The following TRIM38 variants were observed in gnomAD, a reference collection of about 807,000 sequenced individuals.
TRIM38 encodes the protein E3 ubiquitin-protein ligase TRIM38.
TRIM38 carries 35 observed loss-of-function variants against 35.8 expected under a neutral mutation model. The ratio of observed to expected loss-of-function variants is 0.98; its 90% CI spans 0.75 to 1.30. The LOEUF (loss-of-function observed/expected upper bound fraction) is 1.30. Ranked by LOEUF, TRIM38 falls within the 50% of genes most tolerant of loss-of-function variation. The pLI is 0.00. For synonymous variants in TRIM38, 198 were observed against 204.7 expected, an observed-to-expected ratio of 0.97 and a Z score of 0.28; for missense variants, 545 against 556.9, an observed-to-expected ratio of 0.98 and a Z score of 0.21.
In TRIM38 at chr6:25,983,479, C is replaced by G. The variant is rs1760623944; in HGVS notation, c.1190C>G (p.Thr397Ser). ...LCKKKGYVAL[T>S]SPPTSLHLHE... ...AAAAAGAAAGGCTATGTAGCACTTA[C>G]TTCTCCCCCAACTTCCCTTCATCTG... Residue 397 changes from threonine to serine, a missense_variant, in exon 8 of 8, where the codon ACT (threonine) becomes AGT (serine). Transcript: ENST00000357085. 6.2e-7 allele frequency: 1 copy of G among 1,614,160 alleles called. No homozygotes were observed. Among genetic ancestry groups the G allele is most frequent in the African/African-American group, 1.3e-5 (1 of 75,016 alleles).
rs1367804788 is a variant in TRIM38 at position 25,983,774 on chromosome 6, G to A, written c.*87G>A. 11 of 1,277,352 alleles carry A rather than the reference G, an allele frequency of 8.6e-6. No homozygotes were observed. The highest frequency in any genetic ancestry group is 7.1e-5 in the East Asian group (3 of 42,404). 79.1% of individuals were successfully genotyped at this position (1,277,352 alleles called of 1,614,324 possible). ...GGCAGACGTTTGGTCTGTTTTCTTC[G>A]CTGTCATTTCCTTAGTAGTTAGACT... is the stretch of plus-strand genomic sequence containing the variant. On this transcript the variant is annotated 3_prime_UTR_variant, in exon 8 of 8. Coordinates refer to ENST00000357085, the MANE Select transcript of TRIM38 (RefSeq NM_006355.5).
chr6:25,983,864 A>G lies in TRIM38; in HGVS notation c.*177A>G. 1.7e-6 allele frequency: 1 copy of G among 593,428 alleles called. No homozygotes were observed. Among genetic ancestry groups the G allele is most frequent in the Admixed American group, 3.6e-5 (1 of 27,792 alleles). 36.8% of individuals were successfully genotyped at this position (593,428 alleles called of 1,614,324 possible). ...GAATATATGGACTTAGCAACTAAAA[A>G]TACCACAGATGGTTAACCTGGACTG... is the stretch of plus-strand genomic sequence containing the variant. On this transcript the variant is annotated 3_prime_UTR_variant, in exon 8 of 8. Coordinates refer to ENST00000357085, the MANE Select transcript of TRIM38 (RefSeq NM_006355.5).
Position 25,989,504 on chromosome 6 carries a change from T to C in TRIM38, c.*5817T>C, listed in dbSNP as rs1760791970. The C allele has an allele frequency of 1.4e-5, 2 of 148,052 alleles. No homozygotes were observed. The highest frequency in any genetic ancestry group is 3.0e-5 in the Non-Finnish European group (2 of 67,414). 9.2% of individuals were successfully genotyped at this position (148,052 alleles called of 1,614,324 possible). On this transcript the variant is annotated 3_prime_UTR_variant, in exon 8 of 8. Transcript: ENST00000357085. ...ATCTTTGCTATTGTTAGCAAGGTCT[T>C]GTATTCTTTTTTTTTTTTTTTTTTT...
rs1440544068 is a variant in TRIM38, at chr6:25,971,990, G to C, written c.629G>C (p.Ser210Thr). ...RLEKEEQQTL[S>T]RLRDYEAGLG... is the part of the protein sequence containing the mutation. ...GAGAAAGAAGAACAACAGACTCTGA[G>C]TAGACTGAGGGACTATGAGGCTGGT... Residue 210 changes from serine (S) to threonine (T), a missense_variant, in exon 5 of 8, where the codon AGT (serine) becomes ACT (threonine). Transcript: ENST00000357085. 4 of 1,614,184 alleles carry C rather than the reference G, an allele frequency of 2.5e-6. No individual in the cohort carries two copies. In the South Asian group the frequency reaches 4.4e-5, roughly 18 times the overall value.
At chr6:25,964,737 CAAT>C (rs908307937) in intron 2 of TRIM38, among the ~76,000 whole-genome samples, 3 of 152,060 alleles carry the variant, frequency 2.0e-5, no homozygotes. Context: ...CATACTCCTT[CAAT>C]GGAATCTGTC....
At position 25,983,046 on chromosome 6, in the gene TRIM38, G is replaced by T. The variant is rs892140851; in HGVS notation, c.875-118G>T. On this transcript the variant is annotated intron_variant, in intron 7 of 7. Transcript: ENST00000357085. ...GGAGGTTGCAGTGAGTTGAGATAGT[G>T]CCAGTGCACTCCAGCCTGGGTGACA... 63 of 975,732 alleles carry T rather than the reference G, an allele frequency of 6.5e-5. No individual in the cohort carries two copies. In the African/African-American group the frequency reaches 9.6e-4, roughly 15 times the overall value. 60.4% of individuals were successfully genotyped at this position (975,732 alleles called of 1,614,324 possible). A position where few individuals can be genotyped will look rare whatever the true frequency, so the allele number is the denominator to read the frequency against.
intron 3 of TRIM38, among the ~76,000 whole-genome samples, chr6:25,967,268 T>C (rs1760086643): frequency 6.6e-6 from 1 of 152,120 alleles, no homozygotes; most frequent in African/African-American, 2.4e-5. Flanking sequence ...TGTAAAGCCA[T>C]GCAGTAGGGC....
At chr6:25,980,268 C>T (rs923761358) in intron 7 of TRIM38, among the ~76,000 whole-genome samples, 1 of 152,186 alleles carries the variant, frequency 6.6e-6, no homozygotes, top group Non-Finnish European at 1.5e-5. Context: ...AATGTTAAAA[C>T]ATCCCATGAT....
In TRIM38 at chr6:25,975,713, A is replaced by T. The variant is rs1023138503; in HGVS notation, c.874+2428A>T. The T allele has an allele frequency of 1.1e-5, 11 of 972,138 alleles. No individual in the cohort carries two copies. The African/African-American group carries it at 1.8e-4, about 16-fold the overall frequency. The allele number at this position is 972,138 out of a possible 1,614,324, so 60.2% of individuals were successfully genotyped here. On this transcript the variant is annotated intron_variant, in intron 7 of 7. Coordinates refer to ENST00000357085, the MANE Select transcript of TRIM38 (RefSeq NM_006355.5). ...TATATCTTTCCCTAAGTTTGTACAA[A>T]CGTAACATATATACACTGTCTCTTC...
chr6:25,967,550 TC>T (rs370309498), intron 3 of TRIM38, among the ~76,000 whole-genome samples: 210 of 19,106 alleles, frequency 0.011, 40 homozygotes, highest in East Asian at 0.025. Context: ...TTTTTTTTTT[TC>T]CTGAGGTAGG....
At position 25,988,096 on chromosome 6, in the gene TRIM38, C is replaced by G. The variant is rs1760762564; in HGVS notation, c.*4409C>G. 1 of 152,232 alleles carries G rather than the reference C, an allele frequency of 6.6e-6. No individual in the cohort carries two copies. The highest frequency in any genetic ancestry group is 1.5e-5 in the Non-Finnish European group (1 of 68,054). The allele number at this position is 152,232 out of a possible 1,614,324, so 9.4% of individuals were successfully genotyped here. A position where few individuals can be genotyped will look rare whatever the true frequency, so the allele number is the denominator to read the frequency against. On this transcript the variant is annotated 3_prime_UTR_variant, in exon 8 of 8. Coordinates refer to ENST00000357085, the MANE Select transcript of TRIM38 (RefSeq NM_006355.5). ...CAACAGGACATTATCGACTTCTTTC[C>G]TCTGTACCTACTCCGAAGTTACCAC...
chr6:25,986,896 G>A lies in TRIM38; in HGVS notation c.*3209G>A, dbSNP rs1362145839. The A allele has an allele frequency of 6.6e-6, 1 of 152,088 alleles. No homozygotes were observed. The highest frequency in any genetic ancestry group is 1.5e-5 in the Non-Finnish European group (1 of 68,028). 9.4% of individuals were successfully genotyped at this position (152,088 alleles called of 1,614,324 possible). A position where few individuals can be genotyped will look rare whatever the true frequency, so the allele number is the denominator to read the frequency against. On this transcript the variant is annotated 3_prime_UTR_variant, in exon 8 of 8. Transcript: ENST00000357085. ...GATGGAAAAAAGGACACAAAAGTAG[G>A]GTGAAGAGCATGTGTGCAACAGCTC...
Position 25,984,229 on chromosome 6 carries a change from GAGAGAAGGGTTA to G in TRIM38, c.*546_*557del, listed in dbSNP as rs1760651631. The G allele has an allele frequency of 6.6e-6, 1 of 152,622 alleles. No individual in the cohort carries two copies. The highest frequency in any genetic ancestry group is 2.4e-5 in the African/African-American group (1 of 41,440). The allele number at this position is 152,622 out of a possible 1,614,324, so 9.5% of individuals were successfully genotyped here. A position where few individuals can be genotyped will look rare whatever the true frequency, so the allele number is the denominator to read the frequency against. ...CCTGAGAAACAGCCAAGCAAAGTGT[GAGAGAAGGGTTA>G]AGACTGGCTTACAATGAGATGCTTC... On this transcript the variant is annotated 3_prime_UTR_variant, in exon 8 of 8. Transcript: ENST00000357085.
rs182666206 is a variant in TRIM38 at position 25,973,155 on chromosome 6, C to T, written c.762-18C>T. ...GGAATGCACCTCTGAAGAAATCTCTCGCCTCTGCTTATTCTAGGAGTTGGG... is the reference window on the plus strand; with the variant it reads ...GGAATGCACCTCTGAAGAAATCTCTTGCCTCTGCTTATTCTAGGAGTTGGG... On this transcript the variant is annotated intron_variant, in intron 6 of 7. Coordinates refer to ENST00000357085, the MANE Select transcript of TRIM38 (RefSeq NM_006355.5). The T allele has an allele frequency of 9.0e-5, 145 of 1,614,086 alleles. 3 individuals are homozygous for T. In the African/African-American group the frequency reaches 9.9e-4, roughly 11 times the overall value.
intron 7 of TRIM38, among the ~76,000 whole-genome samples, chr6:25,974,506 C>G (rs567054543): frequency 3.9e-5 from 6 of 152,312 alleles, no homozygotes; most frequent in Middle Eastern, 3.4e-3. Context: ...AAGCCCTGCT[C>G]ACACTCAAAG....
At chr6:25,969,684 C>T (rs1232852483) in intron 4 of TRIM38, among the ~76,000 whole-genome samples, 1 of 152,172 alleles carries the variant, frequency 6.6e-6, no homozygotes, top group Non-Finnish European at 1.5e-5. Context: ...ATTAGTATGA[C>T]TATTTACCTA....
rs1477624251 is a variant in TRIM38 at position 25,966,320 on chromosome 6, ACTT to A, written c.-188-10_-188-8del. The A allele has an allele frequency of 9.3e-6, 5 of 537,812 alleles. No homozygotes were observed. Among genetic ancestry groups the A allele is most frequent in the African/African-American group, 7.6e-5 (4 of 52,288 alleles). 33.3% of individuals were successfully genotyped at this position (537,812 alleles called of 1,614,324 possible). On this transcript the variant is annotated splice_polypyrimidine_tract_variant and intron_variant, in intron 2 of 7. Coordinates refer to ENST00000357085, the MANE Select transcript of TRIM38 (RefSeq NM_006355.5). ...CGTGGCCCAAACAACCTCAGCCTCA[ACTT>A]CTTCCTTTTAGGTCCTCTTTTCTTC... is the stretch of plus-strand genomic sequence containing the variant.
intron 7 of TRIM38, among the ~76,000 whole-genome samples, chr6:25,977,323 A>G (rs1760423833): frequency 6.6e-6 from 1 of 152,154 alleles, no homozygotes; most frequent in Admixed American, 6.5e-5. Context: ...GGCTGCAGTA[A>G]GCTATGATCA....
At chr6:25,973,440 C>T in intron 7 of TRIM38, 155 bp downstream of exon 7, 1 of 985,420 alleles carries the variant, frequency 1.0e-6, no homozygotes, top group South Asian at 4.7e-5. Flanking sequence ...GTATGATTCA[C>T]TGCTCAGTGA....
Sources: allele counts gnomAD v4.1 joint callset (sites outside exome capture counted in the v4.1 genomes callset), GRCh38; gene constraint gnomAD v4.1.1; transcripts MANE v1.5; gene names NCBI Gene and HGNC (gene_info 2026-07-23, HGNC 2026-07-21).